PLEKHA6: variants seen among roughly 807,000 people sequenced by gnomAD.
The protein encoded by PLEKHA6 is pleckstrin homology domain-containing family A member 6.
Under a neutral mutation model 116.7 loss-of-function variants are expected in PLEKHA6, and 60 were observed. The observed-to-expected ratio is 0.51, with a 90% CI of 0.42 to 0.64. The LOEUF is 0.64. PLEKHA6 is among the 30% of genes least tolerant of loss of function. PLEKHA6 has a pLI of 0.00. For missense variants in PLEKHA6, 1,338 were observed against 1,422.7 expected, an observed-to-expected ratio of 0.94 and a Z score of 0.96; for synonymous variants, 489 against 556.1, an observed-to-expected ratio of 0.88 and a Z score of 1.70.
At chr1:204,362,353 G>A (rs1050498436), upstream of PLEKHA6, among the ~76,000 whole-genome samples, 5 of 152,182 alleles carry the variant, frequency 3.3e-5, no homozygotes, top group South Asian at 2.1e-4. Context: ...CTGCGATCCC[G>A]TCTCTCCTCT....
intron 1 of PLEKHA6, chr1:204,308,936 A>G (rs565125702): frequency 5.6e-5 from 11 of 195,478 alleles, no homozygotes; most frequent in African/African-American, 2.1e-4. Context: ...TGATCCGCCC[A>G]CCTTGGCCTC....
intron 1 of PLEKHA6, among the ~76,000 whole-genome samples, chr1:204,284,326 C>T (rs1329866596): frequency 1.3e-5 from 2 of 152,208 alleles, no homozygotes; most frequent in African/African-American, 4.8e-5. Flanking sequence ...ATTCTGCCTC[C>T]GGCCCCCAAG....
chr1:204,301,733 G>A (rs527512521), intron 1 of PLEKHA6, among the ~76,000 whole-genome samples: 7 of 152,272 alleles, frequency 4.6e-5, no homozygotes, highest in Non-Finnish European at 7.3e-5. Context: ...ACACACAGCC[G>A]AACAGGTTTG....
chr1:204,272,412 A>G (rs1233383763), intron 3 of PLEKHA6, among the ~76,000 whole-genome samples: 1 of 152,048 alleles, frequency 6.6e-6, no homozygotes, highest in Non-Finnish European at 1.5e-5. Context: ...AAACAAAACC[A>G]ACAAATGAAA....
chr1:204,357,232 C>T (rs1673438463), intron 1 of PLEKHA6, among the ~76,000 whole-genome samples: 1 of 152,172 alleles, frequency 6.6e-6, no homozygotes, highest in South Asian at 2.1e-4. Flanking sequence ...AATGAGCTCC[C>T]TGTCACTGAA....
At chr1:204,319,875 G>A (rs929499628) in intron 1 of PLEKHA6, among the ~76,000 whole-genome samples, 1 of 152,174 alleles carries the variant, frequency 6.6e-6, no homozygotes, top group Non-Finnish European at 1.5e-5. Context: ...TGAGGAGGGA[G>A]GGAGGAAGAG....
In PLEKHA6 at chr1:204,259,465, G is replaced by T; in HGVS notation, c.800C>A (p.Ala267Asp). Residue 267 changes from alanine (A) to aspartate (D), a missense_variant, in exon 8 of 23, where the codon GCC (alanine) becomes GAC (aspartate). Physicochemically the swap from Ala to Asp is moderately radical, Grantham distance 126. Transcript: ENST00000272203. The surrounding 1 kb of genome is among the most constrained non-coding windows in gnomAD (Gnocchi z 4.6). Reference protein sequence around the residue: ...PRVPGGGEQPAQPNGWQYHSP... With the variant: ...PRVPGGGEQPDQPNGWQYHSP... Reference sequence around the variant, plus strand: ...GTGGTACTGCCAGCCATTGGGCTGGGCAGGCTGTTCCCCACCCCCTGGCAC... The same window carrying T: ...GTGGTACTGCCAGCCATTGGGCTGGTCAGGCTGTTCCCCACCCCCTGGCAC... The T allele has an allele frequency of 1.2e-6, 2 of 1,614,166 alleles. No individual in the cohort carries two copies. The highest frequency in any genetic ancestry group is 8.5e-7 in the Non-Finnish European group (1 of 1,179,996).
chr1:204,343,328 G>C (rs1484407228), intron 1 of PLEKHA6, among the ~76,000 whole-genome samples: 1 of 152,328 alleles, frequency 6.6e-6, no homozygotes, highest in East Asian at 1.9e-4. Flanking sequence ...GCCAGGCACT[G>C]TTCCAAGCTT....
intron 1 of PLEKHA6, among the ~76,000 whole-genome samples, chr1:204,305,670 T>C (rs1371055766): frequency 6.6e-6 from 1 of 152,190 alleles, no homozygotes; most frequent in African/African-American, 2.4e-5. Context: ...TGACACTCTT[T>C]TGGCCAAAAT....
chr1:204,339,505 C>T (rs1254079916), intron 1 of PLEKHA6, among the ~76,000 whole-genome samples: 2 of 152,184 alleles, frequency 1.3e-5, no homozygotes, highest in Non-Finnish European at 2.9e-5. Flanking sequence ...GAATTGTGTG[C>T]TGGGAGAGGG....
intron 1 of PLEKHA6, among the ~76,000 whole-genome samples, chr1:204,344,788 G>C (rs1039001107): frequency 5.3e-5 from 8 of 152,268 alleles, no homozygotes; most frequent in Admixed American, 5.2e-4. Flanking sequence ...AAGGACAGAT[G>C]AGATGTGATC....
chr1:204,286,849 C>T (rs1304014710), intron 1 of PLEKHA6, among the ~76,000 whole-genome samples: 1 of 152,166 alleles, frequency 6.6e-6, no homozygotes, highest in African/African-American at 2.4e-5. Context: ...CTCTACTTCC[C>T]CTTCTTTCTT....
intron 2 of PLEKHA6, among the ~76,000 whole-genome samples, chr1:204,371,174 A>C (rs1213386426): frequency 2.6e-5 from 4 of 152,094 alleles, no homozygotes; most frequent in African/African-American, 9.7e-5. Flanking sequence ...GAACCCTTCC[A>C]TCACGACATA....
At chr1:204,343,539 G>A (rs753500770) in intron 1 of PLEKHA6, among the ~76,000 whole-genome samples, 26 of 152,066 alleles carry the variant, frequency 1.7e-4, no homozygotes, top group Middle Eastern at 3.2e-3. Flanking sequence ...TGGGTTATAC[G>A]CTCTCCCCAT....
Position 204,228,651 on chromosome 1 carries a change from C to A in PLEKHA6, c.2885+77G>T. 1 of 1,421,944 alleles carries A rather than the reference C, an allele frequency of 7.0e-7. No individual in the cohort carries two copies. 88.1% of individuals were successfully genotyped at this position (1,421,944 alleles called of 1,614,324 possible). On this transcript the variant is annotated intron_variant, in intron 20 of 22. Transcript: ENST00000272203. The surrounding 1 kb of genome is among the most constrained non-coding windows in gnomAD (Gnocchi z 4.0). ...TCTCCCCTGGGGAGGCTCTGTGCCC[C>A]CAACGACTTCTAGTGGCCCAGGTGT...
intron 1 of PLEKHA6, among the ~76,000 whole-genome samples, chr1:204,303,210 T>C (rs1050088258): frequency 6.6e-6 from 1 of 152,176 alleles, no homozygotes; most frequent in Non-Finnish European, 1.5e-5. Context: ...GTCTTCCAGA[T>C]CGGAGCCAAT....
chr1:204,332,975 T>C (rs1572194253), intron 1 of PLEKHA6, among the ~76,000 whole-genome samples: 1 of 152,214 alleles, frequency 6.6e-6, no homozygotes, highest in Non-Finnish European at 1.5e-5. Flanking sequence ...AGTATCATTA[T>C]CATAAACGAA....
chr1:204,347,722 T>TGCCATG, intron 1 of PLEKHA6, among the ~76,000 whole-genome samples: 1 of 152,292 alleles, frequency 6.6e-6, no homozygotes, highest in Non-Finnish European at 1.5e-5. Flanking sequence ...CACGTTCTTC[T>TGCCATG]GCCATGGCTT....
chr1:204,342,465 G>C (rs2103320652), intron 1 of PLEKHA6, among the ~76,000 whole-genome samples: 1 of 152,352 alleles, frequency 6.6e-6, no homozygotes, highest in East Asian at 1.9e-4. Flanking sequence ...TAGGCTTCTT[G>C]CTTTCCGCAT....
Sources: gnomAD v4.1 joint callset for allele counts (sites outside exome capture counted in the v4.1 genomes callset) on GRCh38, gnomAD v4.1.1 for gene constraint, Gnocchi (gnomAD v3.1) non-coding constraint, MANE v1.5 for transcripts, NCBI Gene and HGNC (gene_info 2026-07-23, HGNC 2026-07-21) for gene names.